KRT36: variants seen among roughly 807,000 people sequenced by gnomAD.
KRT36 encodes keratin, type I cuticular Ha6.
A neutral mutation model predicts 43.0 loss-of-function variants in KRT36; 41 were observed. That is an observed-to-expected ratio of 0.95 (90% CI 0.74 to 1.24). The LOEUF (loss-of-function observed/expected upper bound fraction) is 1.24, where lower values mean the gene tolerates loss of function less well. Among genes scored for constraint, KRT36 ranks in the 50% most tolerant of loss-of-function variants. The pLI is 0.00. For missense variants in KRT36, 627 were observed against 595.3 expected (o/e 1.05, Z -0.55); for synonymous variants, 277 against 252.9 (o/e 1.10, Z -0.90).
intron 1 of KRT36, 140 bp downstream of exon 1, chr17:41,489,266 C>G: frequency 3.3e-6 from 3 of 905,040 alleles, no homozygotes; most frequent in Non-Finnish European, 5.0e-6. Context: ...CCCCAGGAAA[C>G]CAAAGCCCTA....
chr17:41,487,896 A>G (rs1281132737), intron 3 of KRT36, among the ~76,000 whole-genome samples, 159 bp from the exon 4 acceptor site: 1 of 152,176 alleles, frequency 6.6e-6, no homozygotes. Context: ...CTCCGTATAT[A>G]CCTACCTCCT....
chr17:41,488,310 G>T lies in KRT36; in HGVS notation c.632C>A (p.Ala211Asp), dbSNP rs768056546. Residue 211 changes from alanine to aspartate, a missense_variant, in exon 3 of 7, where the codon GCT becomes GAT. Coordinates refer to ENST00000328119, the MANE Select transcript of KRT36 (RefSeq NM_003771.5). ...GGACTCCACCTGAGCCTCCAGGTCA[G>T]CCTTGCACAGGGTCAGCTCATCCAG... ...RILDELTLCK[A>D]DLEAQVESLK... The T allele has an allele frequency of 6.2e-6, 10 of 1,614,154 alleles. No homozygotes were observed. In the South Asian group the frequency reaches 1.1e-4, roughly 18 times the overall value.
Position 41,489,497 on chromosome 17 carries a change from C to T in KRT36, c.368G>A (p.Ser123Asn). ...AAACTCGTACCACTCCTGGATGCGG[C>T]TCTCCAGCTCCGCGTTCTCCCGCTC... ...QLERENAELE[S>N]RIQEWYEFQI... Residue 123 changes from serine (S) to asparagine (N), a missense_variant, in exon 1 of 7, where the codon AGC (serine) becomes AAC (asparagine). Coordinates refer to ENST00000328119, the MANE Select transcript of KRT36 (RefSeq NM_003771.5). The T allele has an allele frequency of 6.2e-7, 1 of 1,614,244 alleles. No individual in the cohort carries two copies. The highest frequency in any genetic ancestry group is 8.5e-7 in the Non-Finnish European group (1 of 1,180,042).
intron 3 of KRT36, 128 bp downstream of exon 3, chr17:41,488,115 G>T: frequency 1.1e-6 from 1 of 926,730 alleles, no homozygotes. Context: ...TTATTGTAAG[G>T]ATGAAATGAA....
At chr17:41,487,758 G>C (rs369523755) in intron 3 of KRT36, 21 bp from the exon 4 acceptor site, 1 of 1,585,206 alleles carries the variant, frequency 6.3e-7, no homozygotes, top group East Asian at 2.3e-5. Context: ...GAGGCAAGAC[G>C]GCATGAGGTT....
At position 41,487,559 on chromosome 17, in the gene KRT36, G is replaced by C; in HGVS notation, c.861+17C>G. Reference sequence around the variant, plus strand: ...CCCAGCCCAGGAGCCTGTGGTCCCAGGGCACCCCAGCCCCACCTGGGTGTT... The same window carrying C: ...CCCAGCCCAGGAGCCTGTGGTCCCACGGCACCCCAGCCCCACCTGGGTGTT... On this transcript the variant is annotated intron_variant, in intron 4 of 6. Transcript: ENST00000328119. 1 of 1,613,292 alleles carries C rather than the reference G, an allele frequency of 6.2e-7. No individual in the cohort carries two copies. Among genetic ancestry groups the C allele is most frequent in the East Asian group, 2.2e-5 (1 of 44,844 alleles).
intron 1 of KRT36, 113 bp from the exon 2 acceptor site, chr17:41,488,837 C>A: frequency 1.2e-6 from 1 of 863,830 alleles, no homozygotes; most frequent in Non-Finnish European, 1.9e-6. Flanking sequence ...AGCCCCTTCA[C>A]CATTTCCAGC....
rs1311043374 is a variant in KRT36 at position 41,488,407 on chromosome 17, C to A, written c.543-8G>T. On this transcript the variant is annotated splice_region_variant and splice_polypyrimidine_tract_variant and intron_variant, in intron 2 of 6. Transcript: ENST00000328119. The stretch of plus-strand genomic sequence containing the variant: ...GACAGCTCTGTCTCATACCTGCACA[C>A]ACAGAACCCTGCCAAGTCTGCAGCA... 6.2e-7 allele frequency: 1 copy of A among 1,612,182 alleles called. No homozygotes were observed. The highest frequency in any genetic ancestry group is 2.2e-5 in the East Asian group (1 of 44,868).
Position 41,488,624 on chromosome 17 carries a change from C to G in KRT36, c.542+18G>C, listed in dbSNP as rs558826003. On this transcript the variant is annotated intron_variant, in intron 2 of 6. Coordinates refer to ENST00000328119, the MANE Select transcript of KRT36 (RefSeq NM_003771.5). ...AAGGGAGTGGCATGGCAAACCTTCC[C>G]TGATCAGGCCCACTCACTTGGTCCG... 1 of 1,612,916 alleles carries G rather than the reference C, an allele frequency of 6.2e-7. No homozygotes were observed. Among genetic ancestry groups the G allele is most frequent in the South Asian group, 1.1e-5 (1 of 91,058 alleles).
intron 1 of KRT36, 93 bp from the exon 2 acceptor site, chr17:41,488,817 G>T: frequency 9.7e-7 from 1 of 1,035,512 alleles, no homozygotes; most frequent in Non-Finnish European, 1.5e-6. Flanking sequence ...CCATGCCACT[G>T]TGTACCACCA....
chr17:41,489,659 G>A lies in KRT36; in HGVS notation c.206C>T (p.Ser69Phe), dbSNP rs1904509428. The A allele has an allele frequency of 6.2e-7, 1 of 1,614,080 alleles. No individual in the cohort carries two copies. Among genetic ancestry groups the A allele is most frequent in the South Asian group, 1.1e-5 (1 of 91,094 alleles). Residue 69 changes from serine (S) to phenylalanine (F), a missense_variant, in exon 1 of 7, where the codon TCT (serine) becomes TTT (phenylalanine). Coordinates refer to ENST00000328119, the MANE Select transcript of KRT36 (RefSeq NM_003771.5). Reference sequence around the variant, plus strand: ...AAAGCCAGAGGTGTGGCACTCAGAAGACAGGTAGGAGCCAGGCAAGCAGCT... The same window carrying A: ...AAAGCCAGAGGTGTGGCACTCAGAAAACAGGTAGGAGCCAGGCAAGCAGCT... Reference protein sequence around the residue: ...LGSCLPGSYLSSECHTSGFVG... With the variant: ...LGSCLPGSYLFSECHTSGFVG...
At position 41,487,001 on chromosome 17, in the gene KRT36, A is replaced by G; in HGVS notation, c.1157T>C (p.Leu386Pro). The G allele has an allele frequency of 2.5e-6, 4 of 1,613,976 alleles. No individual in the cohort carries two copies. Among genetic ancestry groups the G allele is most frequent in the South Asian group, 1.1e-5 (1 of 91,072 alleles). The change falls in exon 6 of 7, where the codon CTG becomes CCG. Residue 386 changes from leucine (L) to proline (P), a missense_variant. By Grantham distance (98) the Leu-to-Pro change is moderately conservative. Transcript: ENST00000328119. ...YQVLLDVKAR[L>P]EGEIATYRHL... Reference sequence around the variant, plus strand: ...GCGGTAGGTAGCGATCTCGCCCTCCAGCCGGGCCTTGACGTCCAGTAACAC... The same window carrying G: ...GCGGTAGGTAGCGATCTCGCCCTCCGGCCGGGCCTTGACGTCCAGTAACAC...
chr17:41,488,454 G>A (rs1367619375), intron 2 of KRT36, 55 bp from the exon 3 acceptor site: 1 of 1,595,240 alleles, frequency 6.3e-7, no homozygotes, highest in African/African-American at 1.3e-5. Flanking sequence ...ACACCAGCAG[G>A]GACCCCTGCC....
chr17:41,489,315 G>T, intron 1 of KRT36, 91 bp downstream of exon 1: 1 of 1,379,228 alleles, frequency 7.3e-7, no homozygotes, highest in Non-Finnish European at 1.0e-6. Context: ...TTCCCTAAAA[G>T]CTACCGTCCC....
chr17:41,487,007 G>A lies in KRT36; in HGVS notation c.1151C>T (p.Ala384Val), dbSNP rs773961131. The A allele has an allele frequency of 6.2e-7, 1 of 1,614,058 alleles. No homozygotes were observed. The highest frequency in any genetic ancestry group is 8.5e-7 in the Non-Finnish European group (1 of 1,180,034). ...QEYQVLLDVK[A>V]RLEGEIATYR... The stretch of plus-strand genomic sequence containing the variant: ...GGTAGCGATCTCGCCCTCCAGCCGG[G>A]CCTTGACGTCCAGTAACACCTGGTA... Residue 384 changes from alanine to valine, a missense_variant, in exon 6 of 7, where the codon GCC becomes GTC. Transcript: ENST00000328119.
Position 41,489,842 on chromosome 17 carries a change from G to A in KRT36, c.23C>T (p.Pro8Leu), listed in dbSNP as rs202223747. 1 of 1,613,122 alleles carries A rather than the reference G, an allele frequency of 6.2e-7. No individual in the cohort carries two copies. Among genetic ancestry groups the A allele is most frequent in the Non-Finnish European group, 8.5e-7 (1 of 1,179,720 alleles). Reference sequence around the variant, plus strand: ...CTTGATAGACCCAGTGGAGAAGGTAGGGGTGCAGGTCTGGGTGGCCATGGT... The same window carrying A: ...CTTGATAGACCCAGTGGAGAAGGTAAGGGTGCAGGTCTGGGTGGCCATGGT... MATQTCT[P>L]TFSTGSIKGL... Residue 8 changes from proline (P) to leucine (L), a missense_variant, in exon 1 of 7, where the codon CCT becomes CTT. Transcript: ENST00000328119.
At position 41,489,691 on chromosome 17, in the gene KRT36, G is replaced by T; in HGVS notation, c.174C>A (p.Gly58=). The stretch of plus-strand genomic sequence containing the variant: ...AGGAGCCAGGCAAGCAGCTCCCAAG[G>T]CCAGAGAGGCCCGACCTAGCAGAAG... ...YISSARSGLS[G]LGSCLPGSYL... Residue 58 remains glycine (G), a synonymous_variant, in exon 1 of 7, where the codon GGC becomes GGA. Coordinates refer to ENST00000328119, the MANE Select transcript of KRT36 (RefSeq NM_003771.5). 1 of 1,614,170 alleles carries T rather than the reference G, an allele frequency of 6.2e-7. No homozygotes were observed. The highest frequency in any genetic ancestry group is 8.5e-7 in the Non-Finnish European group (1 of 1,180,026).
chr17:41,486,838 G>T (rs931377018), intron 6 of KRT36, 112 bp downstream of exon 6: 3 of 969,780 alleles, frequency 3.1e-6, no homozygotes, highest in Non-Finnish European at 4.6e-6. Flanking sequence ...AGAATCTCAA[G>T]GGGCTTTGGT....
chr17:41,489,658 A>G lies in KRT36; in HGVS notation c.207T>C (p.Ser69=), dbSNP rs762083258. 6.8e-6 allele frequency: 11 copies of G among 1,614,178 alleles called. No homozygotes were observed. Among genetic ancestry groups the G allele is most frequent in the Non-Finnish European group, 7.6e-6 (9 of 1,180,042 alleles). Reference sequence around the variant, plus strand: ...CAAAGCCAGAGGTGTGGCACTCAGAAGACAGGTAGGAGCCAGGCAAGCAGC... The same window carrying G: ...CAAAGCCAGAGGTGTGGCACTCAGAGGACAGGTAGGAGCCAGGCAAGCAGC... The part of the protein sequence containing the change: ...LGSCLPGSYL[S]SECHTSGFVG... Residue 69 remains serine, a synonymous_variant, in exon 1 of 7, where the codon TCT becomes TCC. Coordinates refer to ENST00000328119, the MANE Select transcript of KRT36 (RefSeq NM_003771.5).
Sources: gnomAD v4.1 joint callset for allele counts (sites outside exome capture counted in the v4.1 genomes callset) on GRCh38, gnomAD v4.1.1 for gene constraint, MANE v1.5 for transcripts, NCBI Gene and HGNC (gene_info 2026-07-23, HGNC 2026-07-21) for gene names.